The following KCNIP4 variants were observed in gnomAD, a reference collection of about 807,000 sequenced individuals.
KCNIP4 encodes potassium voltage-gated channel interacting protein 4, also known as Kv channel-interacting protein 4.
Under a neutral mutation model 34.0 loss-of-function variants are expected in KCNIP4, and 12 were observed. The ratio of observed to expected loss-of-function variants is 0.35; its 90% CI spans 0.23 to 0.57. The LOEUF (loss-of-function observed/expected upper bound fraction) is 0.57. Among genes scored for constraint, KCNIP4 ranks in the 20% least tolerant of loss-of-function variants. KCNIP4 has a pLI of 0.83. For missense variants in KCNIP4, 238 were observed against 311.7 expected, an observed-to-expected ratio of 0.76 and a Z score of 1.78; for synonymous variants, 124 against 102.2, an observed-to-expected ratio of 1.21 and a Z score of -1.29.
rs189737878 is a variant in KCNIP4 at position 20,850,030 on chromosome 4, G to T, written c.288+513C>A. Among the ~76,000 whole-genome samples, 53 of 152,298 alleles carry T rather than the reference G, an allele frequency of 3.5e-4. 2 individuals carry two copies. In the East Asian group the frequency reaches 9.1e-3, roughly 26 times the overall value. The stretch of plus-strand genomic sequence containing the variant: ...GAAGATGGTTCACCCAGGAGGGAGG[G>T]TCATCTGCACACCTGGATTGCAGAG... On this transcript the variant is annotated intron_variant, in intron 3 of 8. Coordinates refer to ENST00000382152, the MANE Select transcript of KCNIP4 (RefSeq NM_025221.6).
chr4:21,068,998 C>T (rs547721885), intron 1 of KCNIP4, among the ~76,000 whole-genome samples: 2 of 152,116 alleles, frequency 1.3e-5, no homozygotes, highest in Non-Finnish European at 2.9e-5. Flanking sequence ...AAACAAGTTA[C>T]TTAACCTATC....
At chr4:21,661,575 C>G (rs779747747) in intron 1 of KCNIP4, among the ~76,000 whole-genome samples, 18 of 152,192 alleles carry the variant, frequency 1.2e-4, no homozygotes, top group Non-Finnish European at 2.2e-4. Flanking sequence ...ATTTGAATAG[C>G]AATCCAGTTC....
intron 1 of KCNIP4, among the ~76,000 whole-genome samples, chr4:21,480,615 T>C (rs1002882874): frequency 2.6e-5 from 4 of 152,150 alleles, no homozygotes; most frequent in African/African-American, 7.2e-5. Context: ...TCATTGAGAA[T>C]CTATAACTTT....
chr4:20,803,894 T>C (rs1284135618), intron 3 of KCNIP4, among the ~76,000 whole-genome samples: 1 of 152,206 alleles, frequency 6.6e-6, no homozygotes, highest in Non-Finnish European at 1.5e-5. Flanking sequence ...CCATGCTGAA[T>C]GGGCTCTGAT....
chr4:20,774,637 C>G (rs1756217173), intron 3 of KCNIP4, among the ~76,000 whole-genome samples: 1 of 152,134 alleles, frequency 6.6e-6, no homozygotes, highest in African/African-American at 2.4e-5. Flanking sequence ...ATAAGTGCTA[C>G]AAACCAAGTA....
chr4:21,772,220 G>A (rs4469067), intron 1 of KCNIP4, among the ~76,000 whole-genome samples: 22,532 of 151,936 alleles, frequency 0.15, 5,613 homozygotes, highest in African/African-American at 0.51. Context: ...CGTGATGGAT[G>A]ACGTTTATTG....
chr4:21,142,750 C>A (rs1220805152), intron 1 of KCNIP4, among the ~76,000 whole-genome samples: 1 of 152,142 alleles, frequency 6.6e-6, no homozygotes, highest in Non-Finnish European at 1.5e-5. Flanking sequence ...CGTGTCACAG[C>A]TATTTAGAAA....
intron 1 of KCNIP4, among the ~76,000 whole-genome samples, chr4:21,220,764 A>G (rs1429322226): frequency 6.6e-6 from 1 of 152,116 alleles, no homozygotes; most frequent in Non-Finnish European, 1.5e-5. Flanking sequence ...CTTCACCTGA[A>G]GCTTCACTTT....
At chr4:21,158,686 G>A (rs770295218) in intron 1 of KCNIP4, among the ~76,000 whole-genome samples, 16 of 152,024 alleles carry the variant, frequency 1.1e-4, no homozygotes, top group Non-Finnish European at 1.9e-4. Flanking sequence ...CTAATTTAAT[G>A]GTTATATTTA....
At chr4:21,157,306 C>G (rs1753211176) in intron 1 of KCNIP4, among the ~76,000 whole-genome samples, 1 of 151,598 alleles carries the variant, frequency 6.6e-6, no homozygotes, top group South Asian at 2.1e-4. Context: ...ATAAACAAAA[C>G]AGACAAAAAT....
intron 1 of KCNIP4, among the ~76,000 whole-genome samples, chr4:21,810,402 A>T (rs1466590401): frequency 6.6e-6 from 1 of 152,084 alleles, no homozygotes; most frequent in South Asian, 2.1e-4. Flanking sequence ...AAAATCAGAG[A>T]GAATTTGGCT....
intron 1 of KCNIP4, among the ~76,000 whole-genome samples, chr4:21,564,172 G>A (rs1468210617): frequency 1.3e-5 from 2 of 152,072 alleles, no homozygotes; most frequent in African/African-American, 4.8e-5. Flanking sequence ...ATAGATTGTG[G>A]TTCTTTTTAT....
At chr4:21,815,278 T>C (rs574664107) in intron 1 of KCNIP4, among the ~76,000 whole-genome samples, 1 of 152,116 alleles carries the variant, frequency 6.6e-6, no homozygotes, top group Non-Finnish European at 1.5e-5. Context: ...GAGAATCAAA[T>C]GTGCTAATAT....
At chr4:21,296,614 T>G (rs1042436159) in intron 1 of KCNIP4, among the ~76,000 whole-genome samples, 3 of 151,852 alleles carry the variant, frequency 2.0e-5, no homozygotes, top group Non-Finnish European at 1.5e-5. Context: ...TTATCCAATG[T>G]CTACAGCCAA....
intron 1 of KCNIP4, among the ~76,000 whole-genome samples, chr4:21,426,752 G>A (rs1277133330): frequency 6.6e-6 from 1 of 150,916 alleles, no homozygotes; most frequent in Non-Finnish European, 1.5e-5. Flanking sequence ...TTAAGCACTG[G>A]GGATAAACAT....
At chr4:21,394,332 T>A in intron 1 of KCNIP4, among the ~76,000 whole-genome samples, 1 of 152,288 alleles carries the variant, frequency 6.6e-6, no homozygotes, top group South Asian at 2.1e-4. Flanking sequence ...GGGGACAGTC[T>A]ACCCTCTACT....
chr4:21,869,576 T>C (rs1043643844), intron 1 of KCNIP4, among the ~76,000 whole-genome samples: 6 of 152,132 alleles, frequency 3.9e-5, no homozygotes, highest in Admixed American at 1.3e-4. Context: ...ACAGCCAGGG[T>C]CAACCTAAAT....
intron 1 of KCNIP4, among the ~76,000 whole-genome samples, chr4:21,219,830 G>GAA (rs77406270): frequency 2.0e-5 from 3 of 150,648 alleles, no homozygotes; most frequent in Admixed American, 6.6e-5. Context: ...TTCCTTTTAA[G>GAA]AAAAAAAAAT....
intron 1 of KCNIP4, among the ~76,000 whole-genome samples, chr4:21,275,096 C>T (rs190818007): frequency 2.4e-3 from 361 of 152,260 alleles, no homozygotes; most frequent in Middle Eastern, 6.8e-3. Flanking sequence ...TGATAGGAAC[C>T]ATCATTGGTT....
Sources: allele counts gnomAD v4.1 joint callset (sites outside exome capture counted in the v4.1 genomes callset), GRCh38; gene constraint gnomAD v4.1.1; transcripts MANE v1.5; gene names NCBI Gene and HGNC (gene_info 2026-07-23, HGNC 2026-07-21).